The following LDHC variants were observed in gnomAD, a reference collection of about 807,000 sequenced individuals.
LDHC encodes L-lactate dehydrogenase C chain.
A neutral mutation model predicts 30.2 loss-of-function variants in LDHC; 20 were observed. That is an observed-to-expected ratio of 0.66 (90% confidence interval 0.47 to 0.96). LDHC has a LOEUF of 0.96. Ranked by LOEUF, LDHC falls within the 40% of genes least tolerant of loss-of-function variation. The pLI, the probability that LDHC is intolerant of heterozygous loss-of-function variation, is 0.00. For synonymous variants in LDHC, 139 were observed against 132.7 expected (o/e 1.05, Z -0.32); for missense variants, 362 against 394.9 (o/e 0.92, Z 0.71).
chr11:18,416,643 G>A (rs1384401379), intron 3 of LDHC, among the ~76,000 whole-genome samples: 1 of 152,070 alleles, frequency 6.6e-6, no homozygotes, highest in Non-Finnish European at 1.5e-5. Flanking sequence ...CGGCTCAGCT[G>A]ATTAGAGTTT....
At chr11:18,419,572 A>G (rs1867082033) in intron 3 of LDHC, among the ~76,000 whole-genome samples, 1 of 152,206 alleles carries the variant, frequency 6.6e-6, no homozygotes, top group African/African-American at 2.4e-5. Flanking sequence ...TTCCAGAGAA[A>G]ATGAACATCT....
At chr11:18,441,449 C>T (rs1848464208) in intron 6 of LDHC, among the ~76,000 whole-genome samples, 1 of 151,866 alleles carries the variant, frequency 6.6e-6, no homozygotes, top group Admixed American at 6.6e-5. Context: ...GCTGGGACTA[C>T]AAGCACGCGC....
intron 5 of LDHC, 87 bp from the exon 6 acceptor site, chr11:18,438,441 C>A (rs1456269295): frequency 2.5e-6 from 2 of 785,618 alleles, no homozygotes; most frequent in African/African-American, 1.7e-5. Flanking sequence ...TATCAGGTGG[C>A]AACTTAACTT....
In LDHC at chr11:18,451,055, T is replaced by A. The variant is rs1848647322; in HGVS notation, c.927T>A (p.Asn309Lys). 1 of 1,592,148 alleles carries A rather than the reference T, an allele frequency of 6.3e-7. No individual in the cohort carries two copies. Among genetic ancestry groups the A allele is most frequent in the African/African-American group, 1.4e-5 (1 of 73,724 alleles). The change falls in exon 8 of 8, where the codon AAT (asparagine) becomes AAA (lysine). Residue 309 changes from asparagine (N) to lysine (K), a missense_variant. Transcript: ENST00000541669. Reference sequence around the variant, plus strand: ...CAGATGTTGTGAAAATTAACTTGAATTCTGAGGAGGAGGCCCTTTTCAAGA... The same window carrying A: ...CAGATGTTGTGAAAATTAACTTGAAATCTGAGGAGGAGGCCCTTTTCAAGA... ...GVSDVVKINLNSEEEALFKKS... is the reference protein window; with the variant it reads ...GVSDVVKINLKSEEEALFKKS...
intron 3 of LDHC, among the ~76,000 whole-genome samples, chr11:18,417,086 G>A (rs911493080): frequency 2.0e-5 from 3 of 152,048 alleles, no homozygotes; most frequent in Admixed American, 6.6e-5. Flanking sequence ...GTTTCACCAC[G>A]TTAGCCAGGC....
chr11:18,439,520 G>A (rs575646831), intron 6 of LDHC, among the ~76,000 whole-genome samples: 22 of 131,992 alleles, frequency 1.7e-4, no homozygotes, highest in South Asian at 2.3e-4. Context: ...CCAAGACAGC[G>A]CCATTGCACT....
chr11:18,437,535 G>A (rs781543099), intron 5 of LDHC, among the ~76,000 whole-genome samples: 2 of 151,888 alleles, frequency 1.3e-5, no homozygotes, highest in Non-Finnish European at 2.9e-5. Flanking sequence ...GACGGATCAC[G>A]AGGTCAGGAG....
chr11:18,428,761 G>C (rs1156761813), intron 3 of LDHC, among the ~76,000 whole-genome samples: 1 of 151,786 alleles, frequency 6.6e-6, no homozygotes. Context: ...TGTAGTCCCA[G>C]CTACTCAGGA....
chr11:18,442,235 T>G (rs1273707444), intron 6 of LDHC, among the ~76,000 whole-genome samples: 1 of 152,152 alleles, frequency 6.6e-6, no homozygotes, highest in Non-Finnish European at 1.5e-5. Flanking sequence ...AGTTCTATGA[T>G]AGTTAATAGT....
intron 3 of LDHC, among the ~76,000 whole-genome samples, chr11:18,428,801 A>G (rs1848210561): frequency 6.6e-6 from 1 of 150,616 alleles, no homozygotes; most frequent in Non-Finnish European, 1.5e-5. Context: ...CTTGAACCTG[A>G]GTGGCAGACG....
intron 3 of LDHC, among the ~76,000 whole-genome samples, chr11:18,416,474 C>T (rs1166690165): frequency 2.0e-5 from 3 of 152,150 alleles, no homozygotes; most frequent in Non-Finnish European, 4.4e-5. Flanking sequence ...CTACTAGAAG[C>T]CCTCTTATCT....
At chr11:18,432,177 C>T (rs866816304) in intron 4 of LDHC, among the ~76,000 whole-genome samples, 8 of 152,076 alleles carry the variant, frequency 5.3e-5, no homozygotes, top group South Asian at 2.1e-4. Flanking sequence ...TACTGTCATT[C>T]GATTAGAAGA....
intron 3 of LDHC, among the ~76,000 whole-genome samples, chr11:18,426,102 A>G (rs1848158365): frequency 2.0e-5 from 3 of 151,780 alleles, no homozygotes; most frequent in Non-Finnish European, 2.9e-5. Flanking sequence ...TGCAGCCTCT[A>G]ACTCCTGGGT....
At chr11:18,429,144 CAG>C (rs1848218922) in intron 3 of LDHC, among the ~76,000 whole-genome samples, 2 of 93,510 alleles carry the variant, frequency 2.1e-5, no homozygotes, top group Non-Finnish European at 4.1e-5. Context: ...TTTTTTGAGA[CAG>C]AGTCTTGCCA....
rs187153588 is a variant in LDHC at position 18,418,664 on chromosome 11, C to T, written c.244+3363C>T. ...CTGGTCTCGAATGCCTGACCTCAAG[C>T]GATCCACCTGCCTCGGCCTCCCAAA... On this transcript the variant is annotated intron_variant, in intron 3 of 7. Coordinates refer to ENST00000541669, the MANE Select transcript of LDHC (RefSeq NM_017448.5). 1.1e-3 allele frequency among the ~76,000 whole-genome samples: 168 copies of T among 151,942 alleles called. 4 individuals carry two copies. The East Asian group carries it at 0.029, about 26-fold the overall frequency.
At chr11:18,430,016 C>T in intron 4 of LDHC, 106 bp downstream of exon 4, 1 of 693,266 alleles carries the variant, frequency 1.4e-6, no homozygotes, top group Non-Finnish European at 2.4e-6. Flanking sequence ...ATAAATTGCA[C>T]TCGTTTAAAG....
At position 18,436,481 on chromosome 11, in the gene LDHC, G is replaced by GAT. The variant is rs762530928; in HGVS notation, c.592+1568_592+1569insAT. Among the ~76,000 whole-genome samples the GAT allele has an allele frequency of 8.6e-3, 935 of 108,206 alleles. 22 individuals are homozygous for GAT. Among genetic ancestry groups the GAT allele is most frequent in the African/African-American group, 0.027 (753 of 28,160 alleles). The allele number at this position is 108,206 out of a possible 152,430, so 71.0% of individuals were successfully genotyped here. On this transcript the variant is annotated intron_variant, in intron 5 of 7. Coordinates refer to ENST00000541669, the MANE Select transcript of LDHC (RefSeq NM_017448.5). ...TTACTCTCCTTTGGGATAATACAAA[G>GAT]TTTTTTTTTTTTTTTTTTTTTTGAG...
chr11:18,417,740 AACTT>A, intron 3 of LDHC, among the ~76,000 whole-genome samples: 1 of 152,330 alleles, frequency 6.6e-6, no homozygotes, highest in Middle Eastern at 3.4e-3. Context: ...CCCAGGGATT[AACTT>A]ACTTTTCATA....
At chr11:18,419,477 G>A (rs1173293863) in intron 3 of LDHC, among the ~76,000 whole-genome samples, 2 of 152,258 alleles carry the variant, frequency 1.3e-5, no homozygotes, top group African/African-American at 4.8e-5. Context: ...GCTCTTATTT[G>A]AATTCCAGAA....
Sources: gnomAD v4.1 joint callset for allele counts (sites outside exome capture counted in the v4.1 genomes callset) on GRCh38, gnomAD v4.1.1 for gene constraint, MANE v1.5 for transcripts, NCBI Gene and HGNC (gene_info 2026-07-23, HGNC 2026-07-21) for gene names.